Variants in EPM2A observed in about 807,000 individuals in gnomAD.
EPM2A encodes the protein EPM2A glucan phosphatase, laforin, also known as laforin.
Under a neutral mutation model 26.5 loss-of-function variants are expected in EPM2A, and 21 were observed. The observed-to-expected ratio is 0.79, with a 90% CI of 0.56 to 1.14. EPM2A has a LOEUF of 1.14. Ranked by LOEUF, EPM2A falls within the 50% of genes most tolerant of loss-of-function variation. EPM2A has a pLI of 0.00. For missense variants in EPM2A, 458 were observed against 440.8 expected, an observed-to-expected ratio of 1.04 and a Z score of -0.35; for synonymous variants, 217 against 177.6, an observed-to-expected ratio of 1.22 and a Z score of -1.76.
chr6:145,717,120 G>A (rs1225939875), intron 1 of EPM2A, among the ~76,000 whole-genome samples: 1 of 152,098 alleles, frequency 6.6e-6, no homozygotes, highest in Non-Finnish European at 1.5e-5. Flanking sequence ...CATTTTATGA[G>A]GCCAGCATCA....
At chr6:145,652,196 T>C (rs1168673452) in intron 2 of EPM2A, among the ~76,000 whole-genome samples, 2 of 152,208 alleles carry the variant, frequency 1.3e-5, no homozygotes, top group Non-Finnish European at 2.9e-5. Flanking sequence ...ACTGCATTCT[T>C]AAGTTAAACA....
intron 4 of EPM2A, among the ~76,000 whole-genome samples, chr6:145,448,352 A>C (rs1388770655): frequency 6.6e-6 from 1 of 152,028 alleles, no homozygotes; most frequent in Non-Finnish European, 1.5e-5. Context: ...TTTTCCATGG[A>C]GACTACACTG....
At chr6:145,580,002 G>C (rs1781090742) in intron 2 of EPM2A, among the ~76,000 whole-genome samples, 1 of 151,978 alleles carries the variant, frequency 6.6e-6, no homozygotes, top group Non-Finnish European at 1.5e-5. Context: ...TTAAAGCTTT[G>C]TACATTAACA....
At chr6:145,394,720 G>A (rs1401758918) in intron 4 of EPM2A, among the ~76,000 whole-genome samples, 1 of 152,074 alleles carries the variant, frequency 6.6e-6, no homozygotes, top group Non-Finnish European at 1.5e-5. Flanking sequence ...AACACTCAGT[G>A]TCTCTCAGCT....
chr6:145,571,692 C>G (rs575717476), intron 2 of EPM2A, among the ~76,000 whole-genome samples: 1 of 152,214 alleles, frequency 6.6e-6, no homozygotes, highest in African/African-American at 2.4e-5. Context: ...GGGCACTCAG[C>G]AGTGGCCGTA....
At chr6:145,438,197 A>G (rs1183712510) in intron 4 of EPM2A, among the ~76,000 whole-genome samples, 1 of 152,216 alleles carries the variant, frequency 6.6e-6, no homozygotes, top group Non-Finnish European at 1.5e-5. Context: ...TCATGGGACA[A>G]GGTCCCCAGT....
In EPM2A at chr6:145,626,340, A is replaced by C; in HGVS notation, c.*1076T>G. ...ATTGAGAGCTGAGCCAGGATGGCCA[A>C]GGCTGTGAAGCAATTATCCATGGAT... On this transcript the variant is annotated 3_prime_UTR_variant, in exon 4 of 4. Transcript: ENST00000367519. The C allele has an allele frequency of 1.0e-6, 1 of 986,074 alleles. No individual in the cohort carries two copies. Among genetic ancestry groups the C allele is most frequent in the East Asian group, 1.1e-4 (1 of 8,824 alleles). 61.1% of individuals were successfully genotyped at this position (986,074 alleles called of 1,614,324 possible).
chr6:145,650,847 C>G (rs902923914), intron 2 of EPM2A, among the ~76,000 whole-genome samples: 3 of 152,102 alleles, frequency 2.0e-5, no homozygotes, highest in Non-Finnish European at 4.4e-5. Flanking sequence ...TTCTGATAAC[C>G]AGAATTTCTT....
At chr6:145,460,894 C>A (rs1032269742) in intron 4 of EPM2A, among the ~76,000 whole-genome samples, 3 of 151,970 alleles carry the variant, frequency 2.0e-5, no homozygotes, top group African/African-American at 4.8e-5. Flanking sequence ...AAAAAAAATC[C>A]TAAACTTCAT....
chr6:145,568,190 A>C (rs970360720), intron 2 of EPM2A, among the ~76,000 whole-genome samples: 8 of 152,212 alleles, frequency 5.3e-5, no homozygotes, highest in Non-Finnish European at 8.8e-5. Context: ...TATCTAGGGA[A>C]TAGATGTAAG....
chr6:145,529,990 C>T (rs1231633505), intron 2 of EPM2A, among the ~76,000 whole-genome samples: 1 of 152,120 alleles, frequency 6.6e-6, no homozygotes, highest in Non-Finnish European at 1.5e-5. Flanking sequence ...TAAGAGACTC[C>T]TGAGAAGGAA....
chr6:145,489,800 T>A, intron 4 of EPM2A: 14 of 1,434,610 alleles, frequency 9.8e-6, no homozygotes, highest in Non-Finnish European at 1.4e-5. Context: ...ATTTCTGGGG[T>A]CACGTGGTCC....
At chr6:145,574,655 G>T (rs1266313638) in intron 2 of EPM2A, among the ~76,000 whole-genome samples, 1 of 152,170 alleles carries the variant, frequency 6.6e-6, no homozygotes, top group African/African-American at 2.4e-5. Context: ...AACTCCCTAA[G>T]CCTTTGGATC....
At chr6:145,707,828 G>A (rs1583095218) in intron 1 of EPM2A, among the ~76,000 whole-genome samples, 1 of 152,316 alleles carries the variant, frequency 6.6e-6, no homozygotes, top group South Asian at 2.1e-4. Flanking sequence ...CTGCTATAAA[G>A]ATACTTTAAA....
intron 2 of EPM2A, among the ~76,000 whole-genome samples, chr6:145,532,923 G>A (rs567797577): frequency 5.1e-4 from 77 of 151,966 alleles, no homozygotes; most frequent in Non-Finnish European, 7.4e-4. Context: ...CTAGTTAGTC[G>A]CTTACTTCAA....
At chr6:145,596,241 G>A (rs1781342212) in intron 2 of EPM2A, among the ~76,000 whole-genome samples, 1 of 152,258 alleles carries the variant, frequency 6.6e-6, no homozygotes, top group African/African-American at 2.4e-5. Context: ...TTGTATGATA[G>A]GTAATTGTGC....
chr6:145,711,185 C>G (rs1210120999), intron 1 of EPM2A, among the ~76,000 whole-genome samples: 1 of 152,098 alleles, frequency 6.6e-6, no homozygotes, highest in Non-Finnish European at 1.5e-5. Flanking sequence ...AGTGGTCTTC[C>G]AAACCAGTTG....
chr6:145,646,692 A>G (rs893687622), intron 2 of EPM2A, among the ~76,000 whole-genome samples: 1 of 152,086 alleles, frequency 6.6e-6, no homozygotes, highest in Non-Finnish European at 1.5e-5. Context: ...TCTCACTGAC[A>G]TACATCGCTT....
chr6:145,430,141 G>A (rs919558825), intron 4 of EPM2A, among the ~76,000 whole-genome samples: 5 of 151,982 alleles, frequency 3.3e-5, no homozygotes, highest in South Asian at 4.2e-4. Context: ...GTGATGAGCC[G>A]AGATGGCACC....
Sources: allele counts gnomAD v4.1 joint callset (sites outside exome capture counted in the v4.1 genomes callset), GRCh38; gene constraint gnomAD v4.1.1; transcripts MANE v1.5; gene names NCBI Gene and HGNC (gene_info 2026-07-23, HGNC 2026-07-21).